Variants in CDH2 observed in about 807,000 individuals in gnomAD.
CDH2 encodes cadherin 2.
In CDH2, 17 loss-of-function variants were observed where a neutral mutation model predicts 92.0. That is an observed-to-expected ratio of 0.18 (90% CI 0.13 to 0.28). CDH2 has a LOEUF of 0.28. Ranked by LOEUF, CDH2 falls within the 10% of genes least tolerant of loss-of-function variation. CDH2 has a pLI of 1.00. For missense variants in CDH2, 862 were observed against 1,133.1 expected (o/e 0.76, Z 3.44); for synonymous variants, 419 against 415.9 (o/e 1.01, Z -0.09).
downstream of CDH2, among the ~76,000 whole-genome samples, chr18:27,948,358 A>G (rs11564423): frequency 6.6e-6 from 1 of 151,452 alleles, no homozygotes; most frequent in Non-Finnish European, 1.5e-5. Flanking sequence ...AATGTTTTAG[A>G]AAGTTAGATT....
intron 9 of CDH2, 95 bp from the exon 10 acceptor site, chr18:27,990,445 A>G (rs1219306749): frequency 8.5e-7 from 1 of 1,181,890 alleles, no homozygotes; most frequent in Non-Finnish European, 1.2e-6. Flanking sequence ...CAAAAAATTA[A>G]TTTCTTCATT....
At chr18:28,141,595 C>T (rs562734483) in intron 2 of CDH2, among the ~76,000 whole-genome samples, 34 of 152,122 alleles carry the variant, frequency 2.2e-4, no homozygotes, top group Admixed American at 3.3e-4. Context: ...CTTTGATCCA[C>T]ACCACCTTCT....
intron 2 of CDH2, among the ~76,000 whole-genome samples, chr18:28,137,069 A>G (rs2015875246): frequency 6.6e-6 from 1 of 152,162 alleles, no homozygotes; most frequent in Non-Finnish European, 1.5e-5. Context: ...AAAGGCATAT[A>G]AACAGCACAG....
intron 2 of CDH2, among the ~76,000 whole-genome samples, chr18:28,051,783 G>A (rs1009931336): frequency 6.6e-6 from 1 of 152,022 alleles, no homozygotes; most frequent in African/African-American, 2.4e-5. Context: ...GTGCTAAAGT[G>A]TACTGTTATA....
chr18:28,144,529 G>A (rs2016004944), intron 2 of CDH2, among the ~76,000 whole-genome samples: 1 of 151,900 alleles, frequency 6.6e-6, no homozygotes, highest in Non-Finnish European at 1.5e-5. Context: ...CTTTGACCTA[G>A]TAATTCTATT....
chr18:28,057,911 G>A (rs1414974245), intron 2 of CDH2, among the ~76,000 whole-genome samples: 1 of 152,094 alleles, frequency 6.6e-6, no homozygotes, highest in Non-Finnish European at 1.5e-5. Context: ...TCATGGAGTA[G>A]AAAAAATAAT....
intron 7 of CDH2, 60 bp downstream of exon 7, chr18:28,002,937 A>G (rs1453518684): frequency 1.4e-6 from 2 of 1,393,288 alleles, no homozygotes; most frequent in Non-Finnish European, 2.0e-6. Context: ...TGTATGTGAT[A>G]TGATATTGTG....
At chr18:28,014,090 T>C (rs2013176353) in intron 2 of CDH2, among the ~76,000 whole-genome samples, 181 bp from the exon 3 acceptor site, 1 of 152,184 alleles carries the variant, frequency 6.6e-6, no homozygotes, top group Non-Finnish European at 1.5e-5. Context: ...AAATGCCAGA[T>C]GGTAGTTCTG....
chr18:28,014,316 G>A (rs567596074), intron 2 of CDH2, among the ~76,000 whole-genome samples: 57 of 152,238 alleles, frequency 3.7e-4, no homozygotes, highest in Admixed American at 1.5e-3. Flanking sequence ...GTAGTGATCT[G>A]AGCTCTGCTA....
At chr18:27,998,006 C>T (rs547647248) in intron 7 of CDH2, among the ~76,000 whole-genome samples, 4 of 152,162 alleles carry the variant, frequency 2.6e-5, no homozygotes, top group Non-Finnish European at 1.5e-5. Context: ...TGGGGTTTCA[C>T]CGTGTTAGCC....
chr18:27,933,400 T>C (rs1274352537), intron 6 of CDH2, among the ~76,000 whole-genome samples: 9 of 152,114 alleles, frequency 5.9e-5, no homozygotes, highest in Admixed American at 3.9e-4. Flanking sequence ...ATCTATAAAA[T>C]GTATAGGTAT....
chr18:28,093,989 C>T (rs1017848971), intron 2 of CDH2, among the ~76,000 whole-genome samples: 1 of 152,116 alleles, frequency 6.6e-6, no homozygotes, highest in African/African-American at 2.4e-5. Context: ...AGCCCACACA[C>T]CAATGAATCT....
At chr18:27,961,391 C>T (rs989358132) in intron 15 of CDH2, among the ~76,000 whole-genome samples, 9 of 151,914 alleles carry the variant, frequency 5.9e-5, no homozygotes, top group African/African-American at 1.9e-4. Flanking sequence ...GGCTATGACC[C>T]GAGGGGCAAC....
chr18:28,058,393 T>C (rs1383286197), intron 2 of CDH2, among the ~76,000 whole-genome samples: 1 of 152,152 alleles, frequency 6.6e-6, no homozygotes, highest in African/African-American at 2.4e-5. Flanking sequence ...CTTCTCCCCG[T>C]ATATTGCAGT....
chr18:27,936,845 C>T (rs908796829), intron 6 of CDH2, among the ~76,000 whole-genome samples: 1 of 152,086 alleles, frequency 6.6e-6, no homozygotes, highest in Non-Finnish European at 1.5e-5. Flanking sequence ...CCCCTCTCCT[C>T]CCTTTTGAAT....
At position 28,142,825 on chromosome 18, in the gene CDH2, T is replaced by C. The variant is rs17494995; in HGVS notation, c.172+4848A>G. On this transcript the variant is annotated intron_variant, in intron 2 of 15. Transcript: ENST00000269141. ...AAAAAGATGTATCAAAATAAAAATA[T>C]ACATAAAAACAAAAGCCATGCACTC... Among the ~76,000 whole-genome samples the C allele has an allele frequency of 1.9e-3, 286 of 152,110 alleles. 2 individuals are homozygous for C. The highest frequency in any genetic ancestry group is 6.5e-3 in the African/African-American group (271 of 41,546).
intron 2 of CDH2, among the ~76,000 whole-genome samples, chr18:28,072,799 CAA>C (rs1196714431): frequency 2.0e-5 from 3 of 152,166 alleles, no homozygotes; most frequent in African/African-American, 7.2e-5. Context: ...CTGCTTTACG[CAA>C]AGAGTAGTAT....
chr18:28,139,385 T>A (rs532597432), intron 2 of CDH2, among the ~76,000 whole-genome samples: 68 of 152,106 alleles, frequency 4.5e-4, no homozygotes, highest in African/African-American at 1.6e-3. Flanking sequence ...ACCCCACTTC[T>A]CTTACCAACT....
At position 27,951,622 on chromosome 18, in the gene CDH2, GA is replaced by G. The variant is rs5823567; in HGVS notation, c.*530del. Reference sequence around the variant, plus strand: ...GCTGAGTAAGTTTTAAGATTTTAGTGAAAAAAAAAAAAACAAACTAAAGTCT... The same window carrying G: ...GCTGAGTAAGTTTTAAGATTTTAGTGAAAAAAAAAAAACAAACTAAAGTCT... On this transcript the variant is annotated 3_prime_UTR_variant, in exon 16 of 16. Transcript: ENST00000269141. 62,016 of 145,078 alleles carry G rather than the reference GA, an allele frequency of 0.43. 14,325 individuals carry two copies. The highest frequency in any genetic ancestry group is 0.85 in the East Asian group (4,263 of 5,004). The allele number at this position is 145,078 out of a possible 1,614,324, so 9.0% of individuals were successfully genotyped here. A position where few individuals can be genotyped will look rare whatever the true frequency, so the allele number is the denominator to read the frequency against.
Sources: allele counts gnomAD v4.1 joint callset (sites outside exome capture counted in the v4.1 genomes callset), GRCh38; gene constraint gnomAD v4.1.1; transcripts MANE v1.5; gene names NCBI Gene and HGNC (gene_info 2026-07-23, HGNC 2026-07-21).